Variants in CIMAP2 observed in about 807,000 individuals in gnomAD.
CIMAP2 encodes the protein ciliary microtubule-associated protein 2.
chr1:54,814,250 A>T, the CIMAP2 span, among the ~76,000 whole-genome samples: 1 of 152,258 alleles, frequency 6.6e-6, no homozygotes, highest in African/African-American at 2.4e-5. Flanking sequence ...GTACCCAGGA[A>T]GCGCCCAGCC....
At chr1:54,825,397 G>C in the CIMAP2 span, among the ~76,000 whole-genome samples, 1 of 152,020 alleles carries the variant, frequency 6.6e-6, no homozygotes. Flanking sequence ...GGTTGGGTAT[G>C]GTACTTTGGC....
chr1:54,831,007 C>A, the CIMAP2 span, among the ~76,000 whole-genome samples: 4 of 152,120 alleles, frequency 2.6e-5, no homozygotes, highest in African/African-American at 9.7e-5. Flanking sequence ...TTAATATACC[C>A]ATTCAATCCA....
the CIMAP2 span, among the ~76,000 whole-genome samples, chr1:54,817,618 T>C: frequency 7.2e-5 from 11 of 152,280 alleles, no homozygotes; most frequent in African/African-American, 2.6e-4. Context: ...AGCTTGTAAA[T>C]GTTAGCTGCT....
At chr1:54,839,585 C>T in the CIMAP2 span, among the ~76,000 whole-genome samples, 230 of 152,036 alleles carry the variant, frequency 1.5e-3, 6 homozygotes, top group East Asian at 0.036. Context: ...GCCATGTTGG[C>T]CAGGCTGGTC....
the CIMAP2 span, chr1:54,814,009 C>T: frequency 8.2e-5 from 127 of 1,554,498 alleles, no homozygotes; most frequent in African/African-American, 1.5e-3. Flanking sequence ...CTTCCTCTCT[C>T]GGAGGGCAGC....
chr1:54,806,502 C>T, the CIMAP2 span, among the ~76,000 whole-genome samples: 4 of 152,158 alleles, frequency 2.6e-5, no homozygotes, highest in Non-Finnish European at 5.9e-5. Context: ...TTAGAGAGGT[C>T]ACATGGCCTG....
the CIMAP2 span, among the ~76,000 whole-genome samples, chr1:54,823,652 T>C: frequency 2.6e-5 from 4 of 152,386 alleles, no homozygotes; most frequent in East Asian, 7.7e-4. Context: ...TTTCTTCCTC[T>C]TTTATTGTTT....
At chr1:54,812,041 T>C in the CIMAP2 span, 1 of 1,614,016 alleles carries the variant, frequency 6.2e-7, no homozygotes, top group Non-Finnish European at 8.5e-7. Context: ...TCTGCTGTGC[T>C]CTAGGGGAGT....
At chr1:54,826,963 T>A in the CIMAP2 span, among the ~76,000 whole-genome samples, 1 of 152,270 alleles carries the variant, frequency 6.6e-6, no homozygotes, top group African/African-American at 2.4e-5. Context: ...TGTCTGTTTT[T>A]AAAAAATTCC....
At chr1:54,817,581 A>G in the CIMAP2 span, among the ~76,000 whole-genome samples, 1 of 152,236 alleles carries the variant, frequency 6.6e-6, no homozygotes, top group Non-Finnish European at 1.5e-5. Flanking sequence ...GGAAAGGTAC[A>G]TTAAATACTG....
the CIMAP2 span, among the ~76,000 whole-genome samples, chr1:54,824,262 G>T: frequency 1.2e-4 from 18 of 152,170 alleles, no homozygotes; most frequent in Non-Finnish European, 1.8e-4. Context: ...TTCTGAGCTT[G>T]AGCAGTCCTC....
At chr1:54,816,915 G>C in the CIMAP2 span, 5 of 1,568,664 alleles carry the variant, frequency 3.2e-6, no homozygotes, top group Non-Finnish European at 4.4e-6. Context: ...AAGCGTCCAA[G>C]GGGAGGAGAG....
At chr1:54,823,345 CT>C in the CIMAP2 span, among the ~76,000 whole-genome samples, 5,360 of 145,854 alleles carry the variant, frequency 0.037, 131 homozygotes, top group Non-Finnish European at 0.043. Flanking sequence ...TTTTTATGTT[CT>C]TTTTTTTTTT....
the CIMAP2 span, chr1:54,812,321 C>A: frequency 7.6e-7 from 1 of 1,322,298 alleles, no homozygotes; most frequent in Non-Finnish European, 1.0e-6. Flanking sequence ...CTCACTTCAC[C>A]CTCACAGCCA....
the CIMAP2 span, among the ~76,000 whole-genome samples, chr1:54,817,846 G>A: frequency 1.3e-5 from 2 of 151,992 alleles, no homozygotes. Context: ...TCAAAGTAGT[G>A]CTGTGTCTTC....
chr1:54,812,281 A>G, the CIMAP2 span: 9 of 1,544,134 alleles, frequency 5.8e-6, no homozygotes, highest in Admixed American at 5.4e-5. Context: ...CCTGTGTGCC[A>G]GGCTCTGCAC....
At chr1:54,808,111 G>A in the CIMAP2 span, 2 of 1,351,608 alleles carry the variant, frequency 1.5e-6, no homozygotes, top group African/African-American at 1.5e-5. Flanking sequence ...CAGCCAGCCA[G>A]GAATAAGGAT....
chr1:54,830,215 CTATT>C, the CIMAP2 span, among the ~76,000 whole-genome samples: 19 of 152,012 alleles, frequency 1.2e-4, no homozygotes, highest in Admixed American at 7.2e-4. The surrounding 1 kb of genome is among the most constrained non-coding windows in gnomAD (Gnocchi z 4.1). Context: ...TTCTTTCTTT[CTATT>C]TATTTATTTA....
At chr1:54,823,384 G>A in the CIMAP2 span, among the ~76,000 whole-genome samples, 1 of 150,876 alleles carries the variant, frequency 6.6e-6, no homozygotes, top group African/African-American at 2.4e-5. Context: ...CCTGATATAA[G>A]TATAGCTACT....
Sources: allele counts gnomAD v4.1 joint callset (sites outside exome capture counted in the v4.1 genomes callset), GRCh38; gene constraint gnomAD v4.1.1; non-coding constraint Gnocchi (gnomAD v3.1); transcripts MANE v1.5; gene names NCBI Gene and HGNC (gene_info 2026-07-23, HGNC 2026-07-21).